CTDSPL: variants seen among roughly 807,000 people sequenced by gnomAD.
CTDSPL encodes CTD small phosphatase-like protein.
CTDSPL carries 8 observed loss-of-function variants against 30.5 expected under a neutral mutation model. That is an observed-to-expected ratio of 0.26 (90% CI 0.15 to 0.47). The LOEUF (loss-of-function observed/expected upper bound fraction) is 0.47, where lower values mean the gene tolerates loss of function less well. Among genes scored for constraint, CTDSPL ranks in the 20% least tolerant of loss-of-function variants. CTDSPL has a pLI of 0.99. For synonymous variants in CTDSPL, 110 were observed against 137.9 expected, an observed-to-expected ratio of 0.80 and a Z score of 1.42; for missense variants, 248 against 366.1, an observed-to-expected ratio of 0.68 and a Z score of 2.63.
intron 7 of CTDSPL, among the ~76,000 whole-genome samples, chr3:37,977,113 A>G (rs561902290): frequency 2.0e-5 from 3 of 152,236 alleles, no homozygotes; most frequent in African/African-American, 7.2e-5. Flanking sequence ...TTCTATGTAA[A>G]TGTGTTCATT....
At chr3:37,977,176 G>T (rs1358534499) in intron 7 of CTDSPL, among the ~76,000 whole-genome samples, 1 of 152,168 alleles carries the variant, frequency 6.6e-6, no homozygotes, top group Non-Finnish European at 1.5e-5. Context: ...GTCTCTAACA[G>T]ATAAGGATTG....
At chr3:37,885,947 C>T (rs1291549077) in intron 1 of CTDSPL, among the ~76,000 whole-genome samples, 1 of 152,174 alleles carries the variant, frequency 6.6e-6, no homozygotes, top group Non-Finnish European at 1.5e-5. Flanking sequence ...ACAAAAGAAG[C>T]GTAAGAACTA....
chr3:37,920,006 A>G (rs1698695229), intron 1 of CTDSPL, among the ~76,000 whole-genome samples: 1 of 152,182 alleles, frequency 6.6e-6, no homozygotes, highest in African/African-American at 2.4e-5. Flanking sequence ...TATATATGCT[A>G]TAAAAAACCA....
At chr3:37,906,910 G>C (rs1485073401) in intron 1 of CTDSPL, among the ~76,000 whole-genome samples, 1 of 152,000 alleles carries the variant, frequency 6.6e-6, no homozygotes, top group Non-Finnish European at 1.5e-5. Flanking sequence ...TGGTTATGAG[G>C]TACAAACGAA....
rs370308740 is a variant in CTDSPL at position 37,953,662 on chromosome 3, T to A, written c.235-3449T>A. ...AAAGCAGAATTCAAATTCAGAAGCA[T>A]TAAACAGGATAATTAGGGGCACTTT... is the stretch of plus-strand genomic sequence containing the variant. On this transcript the variant is annotated intron_variant, in intron 2 of 7. Transcript: ENST00000273179. Among the ~76,000 whole-genome samples the A allele has an allele frequency of 1.9e-3, 282 of 152,298 alleles. 2 individuals carry two copies. Among genetic ancestry groups the A allele is most frequent in the African/African-American group, 6.5e-3 (271 of 41,548 alleles).
chr3:37,948,018 TCA>T (rs1699059268), intron 2 of CTDSPL, among the ~76,000 whole-genome samples: 3 of 152,134 alleles, frequency 2.0e-5, no homozygotes, highest in African/African-American at 7.2e-5. Flanking sequence ...GCATGGTGGC[TCA>T]CGCCTGTAAT....
chr3:37,960,219 G>A (rs181063763), intron 3 of CTDSPL, among the ~76,000 whole-genome samples: 3 of 151,832 alleles, frequency 2.0e-5, no homozygotes, highest in Non-Finnish European at 2.9e-5. Context: ...GGTAGCTCAC[G>A]CCTGGAATCC....
intron 1 of CTDSPL, chr3:37,911,903 C>CA (rs1368282134): frequency 6.7e-6 from 2 of 298,646 alleles, no homozygotes; most frequent in Admixed American, 8.6e-5. Flanking sequence ...TACTAAAATA[C>CA]AAAAATGTAT....
At chr3:37,907,597 C>G (rs1363018069) in intron 1 of CTDSPL, among the ~76,000 whole-genome samples, 1 of 152,052 alleles carries the variant, frequency 6.6e-6, no homozygotes, top group Non-Finnish European at 1.5e-5. Context: ...GCATTAAATG[C>G]CCTGGGTGGG....
intron 1 of CTDSPL, among the ~76,000 whole-genome samples, chr3:37,934,330 A>C (rs1264733143): frequency 6.6e-6 from 1 of 151,800 alleles, no homozygotes; most frequent in African/African-American, 2.4e-5. Flanking sequence ...TCTCTCTTAA[A>C]AAAAAAAAAG....
rs1459092038 is a variant in CTDSPL, at chr3:37,947,180, C to T, written c.203C>T (p.Pro68Leu). The T allele has an allele frequency of 1.9e-6, 3 of 1,612,588 alleles. No individual in the cohort carries two copies. The highest frequency in any genetic ancestry group is 2.5e-6 in the Non-Finnish European group (3 of 1,179,892). The change falls in exon 2 of 8, where the codon CCA (proline) becomes CTA (leucine). Residue 68 changes from proline (P) to leucine (L), a missense_variant. Physicochemically the swap from Pro to Leu is moderately conservative, Grantham distance 98 (BLOSUM62 -3). Transcript: ENST00000273179. ...PPPSSPSVLP[P>L]LVEENGGLQK... ...CCCAGCAGCCCCAGTGTGCTTCCGC[C>T]ACTGGTGGAGGAGAATGGTGGGCTT...
intron 1 of CTDSPL, chr3:37,911,592 T>A (rs13079669): frequency 0.19 from 84,759 of 444,390 alleles, 10,988 homozygotes; most frequent in African/African-American, 0.48. Context: ...ACCCCCAACA[T>A]GAACCTTTGG....
At chr3:37,964,209 A>AG (rs1388438710) in intron 3 of CTDSPL, among the ~76,000 whole-genome samples, 2 of 152,202 alleles carry the variant, frequency 1.3e-5, no homozygotes, top group Non-Finnish European at 2.9e-5. Flanking sequence ...CCATTTTAAT[A>AG]ATAACTGTAG....
chr3:37,900,288 A>G (rs1698434846), intron 1 of CTDSPL, among the ~76,000 whole-genome samples: 1 of 152,232 alleles, frequency 6.6e-6, no homozygotes, highest in Non-Finnish European at 1.5e-5. Context: ...ATAAGGCAAT[A>G]GAATTAGGCT....
chr3:37,938,878 T>G (rs1698945240), intron 1 of CTDSPL, among the ~76,000 whole-genome samples: 1 of 149,690 alleles, frequency 6.7e-6, no homozygotes, highest in Non-Finnish European at 1.5e-5. Context: ...TAACCATATT[T>G]AATATGAGAT....
chr3:37,908,091 T>G (rs777225723), intron 1 of CTDSPL, among the ~76,000 whole-genome samples: 21 of 152,328 alleles, frequency 1.4e-4, no homozygotes, highest in Non-Finnish European at 2.5e-4. Flanking sequence ...AAGTGGTTAA[T>G]GGAACAAAAG....
chr3:37,922,418 C>T (rs891027770), intron 1 of CTDSPL, among the ~76,000 whole-genome samples: 21 of 152,118 alleles, frequency 1.4e-4, no homozygotes, highest in African/African-American at 3.1e-4. Flanking sequence ...GGAAGCAGTA[C>T]GCTGAGGCCC....
In CTDSPL at chr3:37,947,182, C is replaced by G; in HGVS notation, c.205C>G (p.Leu69Val). ...PPSSPSVLPP[L>V]VEENGGLQKG... Reference sequence around the variant, plus strand: ...CAGCAGCCCCAGTGTGCTTCCGCCACTGGTGGAGGAGAATGGTGGGCTTCA... The same window carrying G: ...CAGCAGCCCCAGTGTGCTTCCGCCAGTGGTGGAGGAGAATGGTGGGCTTCA... The change falls in exon 2 of 8, where the codon CTG becomes GTG. Residue 69 changes from leucine (L) to valine (V), a missense_variant. Around this residue, in one of 4 missense-constraint regions of CTDSPL, gnomAD observed 118 missense variants for 124.7 expected, o/e 0.95. Coordinates refer to ENST00000273179, the MANE Select transcript of CTDSPL (RefSeq NM_001008392.2). The G allele has an allele frequency of 6.2e-7, 1 of 1,612,514 alleles. No homozygotes were observed. The highest frequency in any genetic ancestry group is 8.5e-7 in the Non-Finnish European group (1 of 1,179,882).
intron 1 of CTDSPL, among the ~76,000 whole-genome samples, chr3:37,894,639 T>A (rs1433931100): frequency 6.6e-6 from 1 of 152,226 alleles, no homozygotes; most frequent in Admixed American, 6.5e-5. Context: ...TAAAAAAATA[T>A]GTTTTTTCTG....
Sources: allele counts gnomAD v4.1 joint callset (sites outside exome capture counted in the v4.1 genomes callset), GRCh38; gene constraint gnomAD v4.1.1; regional missense constraint gnomAD v4.1.1; transcripts MANE v1.5; gene names NCBI Gene and HGNC (gene_info 2026-07-23, HGNC 2026-07-21).